RIT2: variants seen among roughly 807,000 people sequenced by gnomAD.
The protein encoded by RIT2 is Ras like without CAAX 2.
In RIT2, 24 loss-of-function variants were observed where a neutral mutation model predicts 23.7. The ratio of observed to expected loss-of-function variants is 1.01; its 90% CI spans 0.73 to 1.43. The LOEUF (loss-of-function observed/expected upper bound fraction) is 1.43, where lower values mean the gene tolerates loss of function less well. Ranked by LOEUF, RIT2 falls within the 40% of genes most tolerant of loss-of-function variation. RIT2 has a pLI of 0.00. For synonymous variants in RIT2, 107 were observed against 91.1 expected (o/e 1.17, Z -0.99); for missense variants, 236 against 266.9 (o/e 0.88, Z 0.81).
At chr18:43,010,976 C>A (rs927244653) in intron 2 of RIT2, among the ~76,000 whole-genome samples, 1 of 151,594 alleles carries the variant, frequency 6.6e-6, no homozygotes, top group Non-Finnish European at 1.5e-5. Context: ...AGTCCTGGTT[C>A]CTGTGAAAGA....
At chr18:42,761,233 C>T (rs2051107223) in intron 4 of RIT2, among the ~76,000 whole-genome samples, 1 of 152,066 alleles carries the variant, frequency 6.6e-6, no homozygotes, top group African/African-American at 2.4e-5. Flanking sequence ...TTGGACTTGT[C>T]TTTTTTTGTA....
At chr18:43,039,285 C>T (rs8094991) in intron 1 of RIT2, among the ~76,000 whole-genome samples, 2,409 of 152,032 alleles carry the variant, frequency 0.016, 70 homozygotes, top group African/African-American at 0.054. Context: ...TTCCCTCTTT[C>T]CATCCTGCAC....
intron 1 of RIT2, among the ~76,000 whole-genome samples, chr18:43,105,975 G>A (rs778260867): frequency 2.0e-5 from 3 of 152,168 alleles, no homozygotes; most frequent in Non-Finnish European, 4.4e-5. Flanking sequence ...GTGGTTAAGG[G>A]CCTCAGCTCT....
intron 4 of RIT2, among the ~76,000 whole-genome samples, chr18:42,861,575 C>T (rs1396024632): frequency 5.9e-5 from 9 of 152,210 alleles, no homozygotes; most frequent in African/African-American, 4.8e-5. Context: ...ATGGAACATT[C>T]ACATGACAGC....
intron 4 of RIT2, among the ~76,000 whole-genome samples, chr18:42,826,765 A>G (rs1906308334): frequency 6.6e-6 from 1 of 152,164 alleles, no homozygotes; most frequent in African/African-American, 2.4e-5. Context: ...GAGTTCAGCA[A>G]ATGTGCCAAA....
intron 4 of RIT2, among the ~76,000 whole-genome samples, chr18:42,881,777 T>G (rs373904467): frequency 6.6e-6 from 1 of 152,224 alleles, no homozygotes; most frequent in Non-Finnish European, 1.5e-5. Context: ...TTCAACATTA[T>G]GCTCATTATG....
intron 4 of RIT2, among the ~76,000 whole-genome samples, chr18:42,884,732 T>G (rs1454967886): frequency 6.6e-6 from 1 of 152,190 alleles, no homozygotes; most frequent in Non-Finnish European, 1.5e-5. Context: ...GAAAACAGAA[T>G]GCAGAATAGG....
At chr18:43,055,262 C>T (rs1309081881) in intron 1 of RIT2, among the ~76,000 whole-genome samples, 1 of 152,100 alleles carries the variant, frequency 6.6e-6, no homozygotes, top group Non-Finnish European at 1.5e-5. Context: ...GCTGTGTAAG[C>T]AGCATAATTC....
rs376783410 is a variant in RIT2 at position 42,783,448 on chromosome 18, A to G, written c.427-39728T>C. On this transcript the variant is annotated intron_variant, in intron 4 of 4. Transcript: ENST00000326695. ...ATTTAGCCTGTGCAATGTTAAATGCAGTACTGAATACCAGCTTCAGGAGTA... is the reference window on the plus strand; with the variant it reads ...ATTTAGCCTGTGCAATGTTAAATGCGGTACTGAATACCAGCTTCAGGAGTA... Among the ~76,000 whole-genome samples, 8 of 152,238 alleles carry G rather than the reference A, an allele frequency of 5.3e-5. No homozygotes were observed. In the East Asian group the frequency reaches 1.5e-3, roughly 29 times the overall value.
intron 4 of RIT2, among the ~76,000 whole-genome samples, chr18:42,853,221 A>G (rs1907102066): frequency 6.6e-6 from 1 of 152,192 alleles, no homozygotes. Flanking sequence ...TTCAATTGAT[A>G]TAAAAATGAT....
chr18:42,974,902 G>A (rs1223582727), intron 2 of RIT2, among the ~76,000 whole-genome samples: 2 of 151,982 alleles, frequency 1.3e-5, no homozygotes, highest in East Asian at 1.9e-4. Flanking sequence ...AATTAAAGAA[G>A]GCACAAAATA....
chr18:42,819,947 C>T (rs950920019), intron 4 of RIT2, among the ~76,000 whole-genome samples: 5 of 152,090 alleles, frequency 3.3e-5, no homozygotes, highest in African/African-American at 1.2e-4. Flanking sequence ...AAGGCCAGAG[C>T]ATTTGCATAT....
intron 2 of RIT2, among the ~76,000 whole-genome samples, chr18:43,005,725 A>C (rs904690316): frequency 1.2e-4 from 18 of 151,904 alleles, no homozygotes; most frequent in African/African-American, 4.3e-4. Context: ...CCATGAACCC[A>C]AAAATATGAT....
intron 4 of RIT2, among the ~76,000 whole-genome samples, chr18:42,829,316 T>A (rs562819807): frequency 1.3e-5 from 2 of 152,308 alleles, no homozygotes; most frequent in South Asian, 4.1e-4. Flanking sequence ...ATTACAAAAG[T>A]AAAAGTAATA....
chr18:42,878,211 TAA>T (rs1287993903), intron 4 of RIT2, among the ~76,000 whole-genome samples: 1 of 151,380 alleles, frequency 6.6e-6, no homozygotes, highest in African/African-American at 2.4e-5. Flanking sequence ...TTTGACTCTC[TAA>T]AAACTTAACT....
chr18:43,104,520 A>T (rs1212307501), intron 1 of RIT2, among the ~76,000 whole-genome samples: 1 of 152,214 alleles, frequency 6.6e-6, no homozygotes, highest in Admixed American at 6.5e-5. Flanking sequence ...CACCTATGAA[A>T]ATAACACATA....
At chr18:43,072,532 C>A (rs946031697) in intron 1 of RIT2, among the ~76,000 whole-genome samples, 12 of 152,154 alleles carry the variant, frequency 7.9e-5, no homozygotes, top group Non-Finnish European at 1.5e-4. Context: ...GTAAATTACA[C>A]CTGTAATGTT....
chr18:42,799,799 G>T (rs1905474201), intron 4 of RIT2, among the ~76,000 whole-genome samples: 1 of 152,070 alleles, frequency 6.6e-6, no homozygotes, highest in African/African-American at 2.4e-5. Flanking sequence ...CCCTGATCCT[G>T]CACTTTCTTA....
intron 1 of RIT2, among the ~76,000 whole-genome samples, chr18:43,080,336 G>A (rs983775049): frequency 1.3e-5 from 2 of 152,176 alleles, no homozygotes; most frequent in African/African-American, 4.8e-5. Context: ...AAACTTATCT[G>A]ATTAGTGACA....
Sources: gnomAD v4.1 joint callset for allele counts (sites outside exome capture counted in the v4.1 genomes callset) on GRCh38, gnomAD v4.1.1 for gene constraint, MANE v1.5 for transcripts, NCBI Gene and HGNC (gene_info 2026-07-23, HGNC 2026-07-21) for gene names.